The following STX2 variants were observed in gnomAD, a reference collection of about 807,000 sequenced individuals.
STX2 encodes syntaxin-2.
Under a neutral mutation model 40.6 loss-of-function variants are expected in STX2, and 27 were observed. The ratio of observed to expected loss-of-function variants is 0.66; its 90% CI spans 0.49 to 0.92. The LOEUF is 0.92. Ranked by LOEUF, STX2 falls within the 40% of genes least tolerant of loss-of-function variation. The pLI, the probability that STX2 is intolerant of heterozygous loss-of-function variation, is 0.00. For missense variants in STX2, 328 were observed against 366.1 expected (o/e 0.90, Z 0.85); for synonymous variants, 123 against 119.1 (o/e 1.03, Z -0.22).
chr12:130,820,318 T>C (rs533228965), intron 3 of STX2, among the ~76,000 whole-genome samples: 2 of 152,266 alleles, frequency 1.3e-5, no homozygotes, highest in East Asian at 1.9e-4. Flanking sequence ...ACAAGGCCAA[T>C]ATGCAAAAAT....
intron 4 of STX2, among the ~76,000 whole-genome samples, chr12:130,811,286 A>T (rs1269587935): frequency 1.4e-5 from 2 of 142,098 alleles, no homozygotes; most frequent in Admixed American, 7.5e-5. Flanking sequence ...TGAGTCCAGG[A>T]GGTGGAGGTT....
chr12:130,798,250 CAAAA>C (rs5801935), intron 9 of STX2: 439 of 146,936 alleles, frequency 3.0e-3, no homozygotes, highest in Middle Eastern at 0.011. Flanking sequence ...AACTCCAATT[CAAAA>C]AAAAAAAAAA....
chr12:130,817,376 C>T (rs1054667304), intron 3 of STX2, among the ~76,000 whole-genome samples: 2 of 151,506 alleles, frequency 1.3e-5, no homozygotes, highest in African/African-American at 2.4e-5. Flanking sequence ...AGAAATCAAA[C>T]GATAAGTCAG....
intron 2 of STX2, among the ~76,000 whole-genome samples, chr12:130,823,583 G>A (rs1952194519): frequency 6.6e-6 from 1 of 152,216 alleles, no homozygotes; most frequent in African/African-American, 2.4e-5. Context: ...TGGCTTTCAA[G>A]AGGGAGGAAA....
chr12:130,798,708 G>C (rs1951114650), intron 8 of STX2, 73 bp from the exon 9 acceptor site: 1 of 1,185,842 alleles, frequency 8.4e-7, no homozygotes, highest in African/African-American at 1.6e-5. Context: ...GACAACCATA[G>C]AACAAAGGTT....
intron 3 of STX2, among the ~76,000 whole-genome samples, chr12:130,813,400 A>AC (rs1253552922): frequency 6.6e-6 from 1 of 152,196 alleles, no homozygotes; most frequent in African/African-American, 2.4e-5. Context: ...TAACACCTAG[A>AC]CCTGGGAAAG....
chr12:130,824,863 AAGCTTG>A (rs1332270832), intron 2 of STX2, among the ~76,000 whole-genome samples: 2 of 152,144 alleles, frequency 1.3e-5, no homozygotes, highest in Admixed American at 1.3e-4. Flanking sequence ...TAACAAATGA[AAGCTTG>A]AGCTTAAGTT....
At chr12:130,838,347 A>G (rs1369800601) in intron 1 of STX2, among the ~76,000 whole-genome samples, 4 of 152,166 alleles carry the variant, frequency 2.6e-5, no homozygotes, top group Non-Finnish European at 5.9e-5. Flanking sequence ...AATCCTTCCA[A>G]AATTTTTAGT....
Position 130,813,004 on chromosome 12 carries a change from T to C in STX2, c.233A>G (p.Asn78Ser), listed in dbSNP as rs532307517. The C allele has an allele frequency of 1.3e-4, 206 of 1,539,966 alleles. 2 individuals are homozygous for C. The South Asian group carries it at 2.6e-3, about 19-fold the overall frequency. Residue 78 changes from asparagine (N) to serine (S), a missense_variant, in exon 4 of 11, where the codon AAC becomes AGC. Transcript: ENST00000392373. ...GKIKEELEDLNKEIKKTANKI... is the reference protein window; with the variant it reads ...GKIKEELEDLSKEIKKTANKI... ...ATTCGCAGTTTTCTTGATTTCTTTG[T>C]TCAGATCTTCAAGCTCTTCTTTTAT...
chr12:130,792,188 G>A (rs570041054), intron 10 of STX2, among the ~76,000 whole-genome samples: 2 of 152,050 alleles, frequency 1.3e-5, no homozygotes, highest in Non-Finnish European at 2.9e-5. Flanking sequence ...AGCCTCCCGA[G>A]TAGCTGGGAC....
chr12:130,818,515 G>A (rs1470566712), intron 3 of STX2, among the ~76,000 whole-genome samples: 1 of 152,114 alleles, frequency 6.6e-6, no homozygotes, highest in African/African-American at 2.4e-5. Flanking sequence ...AGGGATAACC[G>A]GTGGGACAGG....
chr12:130,818,218 A>ATATATATATATATATATATATAT (rs1565924788), intron 3 of STX2, among the ~76,000 whole-genome samples: 8 of 126,946 alleles, frequency 6.3e-5, no homozygotes, highest in East Asian at 2.1e-4. Flanking sequence ...ATATATATAT[A>ATATATATATATATATATATATAT]AAATTATCTG....
intron 3 of STX2, 99 bp downstream of exon 3, chr12:130,821,590 C>T: frequency 2.0e-6 from 2 of 977,954 alleles, no homozygotes; most frequent in South Asian, 2.9e-5. Flanking sequence ...TACAAACTCC[C>T]CTGAATCTCC....
rs1227229343 is a variant in STX2, at chr12:130,791,869, T to C, written c.*154A>G. 4 of 1,592,140 alleles carry C rather than the reference T, an allele frequency of 2.5e-6. No individual in the cohort carries two copies. In the African/African-American group the frequency reaches 5.4e-5, roughly 21 times the overall value. The stretch of plus-strand genomic sequence containing the variant: ...TTTGGTTGCAGATGTGGTCTGAGTC[T>C]CAAGGATAAATGGCTCTTGGGATAT... On this transcript the variant is annotated 3_prime_UTR_variant, in exon 11 of 11. Coordinates refer to ENST00000392373, the MANE Select transcript of STX2 (RefSeq NM_194356.4).
At chr12:130,795,640 T>C (rs12820597) in intron 10 of STX2, among the ~76,000 whole-genome samples, 52,757 of 152,098 alleles carry the variant, frequency 0.35, 9,472 homozygotes, top group Middle Eastern at 0.4. Flanking sequence ...CTCGGGAGGC[T>C]GAGGTAGGAG....
intron 1 of STX2, among the ~76,000 whole-genome samples, chr12:130,836,834 ACT>A (rs1952769561): frequency 6.6e-6 from 1 of 152,106 alleles, no homozygotes; most frequent in African/African-American, 2.4e-5. Flanking sequence ...CCACGGATAT[ACT>A]CTCTGACTGC....
At chr12:130,802,777 A>G (rs1951282069) in intron 6 of STX2, among the ~76,000 whole-genome samples, 1 of 152,166 alleles carries the variant, frequency 6.6e-6, no homozygotes, top group Admixed American at 6.5e-5. Context: ...TGGGATTAGT[A>G]TACATGTGAG....
At chr12:130,837,811 T>G (rs1467031413) in intron 1 of STX2, among the ~76,000 whole-genome samples, 1 of 152,228 alleles carries the variant, frequency 6.6e-6, no homozygotes, top group African/African-American at 2.4e-5. Flanking sequence ...TTGCTGTGTT[T>G]AAGATGATAT....
At position 130,796,099 on chromosome 12, in the gene STX2, C is replaced by T; in HGVS notation, c.808G>A (p.Val270Met). Residue 270 changes from valine to methionine, a missense_variant, in exon 10 of 11, where the codon GTG becomes ATG. By Grantham distance (21) the Val-to-Met change is conservative (BLOSUM62 1). Transcript: ENST00000392373. ...ATTATGGCAACCAGAACCACTGACA[C>T]AGCAATAATTATCCACTTTTTCTGT... is the stretch of plus-strand genomic sequence containing the variant. The part of the protein sequence containing the change: ...ARRKKWIIIA[V>M]SVVLVAIIAL... The T allele has an allele frequency of 6.2e-7, 1 of 1,614,146 alleles. No homozygotes were observed. Among genetic ancestry groups the T allele is most frequent in the Non-Finnish European group, 8.5e-7 (1 of 1,180,036 alleles).
Sources: gnomAD v4.1 joint callset for allele counts (sites outside exome capture counted in the v4.1 genomes callset) on GRCh38, gnomAD v4.1.1 for gene constraint, MANE v1.5 for transcripts, NCBI Gene and HGNC (gene_info 2026-07-23, HGNC 2026-07-21) for gene names.